Variants in SEMA5A observed in about 807,000 individuals in gnomAD.
SEMA5A encodes the protein semaphorin-5A.
Under a neutral mutation model 135.5 loss-of-function variants are expected in SEMA5A, and 55 were observed. That is an observed-to-expected ratio of 0.41 (90% CI 0.33 to 0.51). The LOEUF (loss-of-function observed/expected upper bound fraction) is 0.51. Among genes scored for constraint, SEMA5A ranks in the 20% least tolerant of loss-of-function variants. SEMA5A has a pLI of 0.37. For synonymous variants in SEMA5A, 580 were observed against 546.5 expected, an observed-to-expected ratio of 1.06 and a Z score of -0.85; for missense variants, 1,290 against 1,419.9, an observed-to-expected ratio of 0.91 and a Z score of 1.47.
chr5:9,058,151 A>G (rs1011999415), intron 18 of SEMA5A, among the ~76,000 whole-genome samples: 1 of 152,188 alleles, frequency 6.6e-6, no homozygotes, highest in African/African-American at 2.4e-5. Flanking sequence ...ACTATATTGG[A>G]CTAAAAAAAT....
At chr5:9,353,631 T>A (rs1754313294) in intron 3 of SEMA5A, among the ~76,000 whole-genome samples, 2 of 152,128 alleles carry the variant, frequency 1.3e-5, no homozygotes, top group African/African-American at 4.8e-5. Context: ...GGAGGAGCAC[T>A]TCCACAATAT....
intron 1 of SEMA5A, among the ~76,000 whole-genome samples, chr5:9,521,558 G>A (rs1013278874): frequency 6.6e-6 from 1 of 152,170 alleles, no homozygotes; most frequent in African/African-American, 2.4e-5. Flanking sequence ...AACTGTACAG[G>A]TGAATGAGTC....
At chr5:9,142,889 C>G (rs1342041860) in intron 12 of SEMA5A, among the ~76,000 whole-genome samples, 1 of 152,164 alleles carries the variant, frequency 6.6e-6, no homozygotes, top group South Asian at 2.1e-4. Flanking sequence ...GAGGCAGAGG[C>G]TGCAGTGAGC....
At chr5:9,044,709 A>C (rs1736155953) in intron 21 of SEMA5A, 125 bp from the exon 22 acceptor site, 1 of 744,786 alleles carries the variant, frequency 1.3e-6, no homozygotes, top group Admixed American at 2.6e-5. Flanking sequence ...AATTAAGGAA[A>C]TTATCATTCT....
intron 3 of SEMA5A, among the ~76,000 whole-genome samples, chr5:9,344,168 GATACTTTTAC>G (rs1753763853): frequency 6.6e-6 from 1 of 152,150 alleles, no homozygotes. Context: ...AATTGTATGA[GATACTTTTAC>G]ATATTAACTA....
At chr5:9,220,575 G>C (rs1479790467) in intron 8 of SEMA5A, among the ~76,000 whole-genome samples, 1 of 152,210 alleles carries the variant, frequency 6.6e-6, no homozygotes, top group East Asian at 1.9e-4. Flanking sequence ...ATTTGGTATA[G>C]ATGGGAATCC....
At chr5:9,109,282 C>T (rs1740114416) in intron 15 of SEMA5A, among the ~76,000 whole-genome samples, 1 of 151,932 alleles carries the variant, frequency 6.6e-6, no homozygotes, top group African/African-American at 2.4e-5. Context: ...CCTCGTGATC[C>T]GCCCGCCTCG....
At chr5:9,134,075 T>C (rs1232801734) in intron 13 of SEMA5A, among the ~76,000 whole-genome samples, 1 of 152,202 alleles carries the variant, frequency 6.6e-6, no homozygotes, top group Non-Finnish European at 1.5e-5. Flanking sequence ...CTTCACTTTC[T>C]GCCATGATTG....
At chr5:9,408,486 T>C (rs1022684835) in intron 2 of SEMA5A, among the ~76,000 whole-genome samples, 2 of 152,160 alleles carry the variant, frequency 1.3e-5, no homozygotes, top group Admixed American at 6.5e-5. Context: ...ATGCAGTAAA[T>C]ACTGAATTGC....
chr5:9,060,734 C>A (rs1427700537), intron 18 of SEMA5A, among the ~76,000 whole-genome samples: 1 of 152,098 alleles, frequency 6.6e-6, no homozygotes, highest in African/African-American at 2.4e-5. Context: ...TTGGGAGCCT[C>A]AGCTACAAAT....
chr5:9,301,582 A>G (rs1751611628), intron 5 of SEMA5A, among the ~76,000 whole-genome samples: 1 of 152,166 alleles, frequency 6.6e-6, no homozygotes. Flanking sequence ...TGGTGACAAG[A>G]TGGCTGCAAG....
intron 1 of SEMA5A, among the ~76,000 whole-genome samples, chr5:9,507,168 C>T (rs1018419804): frequency 6.6e-6 from 1 of 152,166 alleles, no homozygotes; most frequent in Admixed American, 6.5e-5. Flanking sequence ...TAAAGAAGCA[C>T]CTGAGTCGAC....
chr5:9,190,149 T>C lies in SEMA5A; in HGVS notation c.1273+118A>G, dbSNP rs3026339. 101 of 1,044,056 alleles carry C rather than the reference T, an allele frequency of 9.7e-5. 1 individual carries two copies. The highest frequency in any genetic ancestry group is 1.4e-4 in the Non-Finnish European group (98 of 713,984). 64.7% of individuals were successfully genotyped at this position (1,044,056 alleles called of 1,614,324 possible). A position where few individuals can be genotyped will look rare whatever the true frequency, so the allele number is the denominator to read the frequency against. On this transcript the variant is annotated intron_variant, in intron 11 of 22. Transcript: ENST00000382496. The stretch of plus-strand genomic sequence containing the variant: ...AGTGAGCATCGCGGGTTTTGCTGGT[T>C]GCAAAAAGAGACATCAGGCGTAAAG...
chr5:9,060,135 C>CTGCCTAGTGCAAGG (rs1199923369), intron 18 of SEMA5A, among the ~76,000 whole-genome samples: 2 of 152,212 alleles, frequency 1.3e-5, no homozygotes, highest in Non-Finnish European at 2.9e-5. Context: ...GACTCACCCA[C>CTGCCTAGTGCAAGG]TGCCTAGTGC....
intron 13 of SEMA5A, among the ~76,000 whole-genome samples, chr5:9,124,485 C>T (rs1023472134): frequency 1.3e-5 from 2 of 152,092 alleles, no homozygotes; most frequent in African/African-American, 2.4e-5. Context: ...GAGATGGAGT[C>T]TCGCTCTGTT....
intron 16 of SEMA5A, among the ~76,000 whole-genome samples, chr5:9,103,610 A>G (rs1739745075): frequency 6.6e-6 from 1 of 152,104 alleles, no homozygotes; most frequent in Non-Finnish European, 1.5e-5. Flanking sequence ...GCTTTACATG[A>G]TATTTCAGTA....
At chr5:9,193,592 G>C (rs79304427) in intron 10 of SEMA5A, among the ~76,000 whole-genome samples, 3,336 of 152,194 alleles carry the variant, frequency 0.022, 118 homozygotes, top group African/African-American at 0.076. Flanking sequence ...TTACTCCCTT[G>C]CATCTTGCTG....
intron 2 of SEMA5A, among the ~76,000 whole-genome samples, chr5:9,423,122 A>G (rs748946071): frequency 6.6e-6 from 1 of 152,176 alleles, no homozygotes; most frequent in Non-Finnish European, 1.5e-5. Context: ...AAGGAGAATC[A>G]CATAATTTTA....
intron 2 of SEMA5A, among the ~76,000 whole-genome samples, chr5:9,400,501 A>AGTT (rs1756608271): frequency 1.1e-5 from 1 of 87,040 alleles, no homozygotes; most frequent in Admixed American, 1.4e-4. Context: ...CACAATGTAC[A>AGTT]TTTTTTTTTT....
Sources: allele counts gnomAD v4.1 joint callset (sites outside exome capture counted in the v4.1 genomes callset), GRCh38; gene constraint gnomAD v4.1.1; transcripts MANE v1.5; gene names NCBI Gene and HGNC (gene_info 2026-07-23, HGNC 2026-07-21).